Variants in GGACT observed in about 807,000 individuals in gnomAD.
GGACT encodes gamma-glutamylamine cyclotransferase, also known as gamma-glutamylaminecyclotransferase.
For missense variants in GGACT, 241 were observed against 233.2 expected (o/e 1.03, Z -0.22); for synonymous variants, 118 against 115.3 (o/e 1.02, Z -0.15).
At chr13:100,558,540 T>C (rs1405547010) in intron 2 of GGACT, among the ~76,000 whole-genome samples, 3 of 152,204 alleles carry the variant, frequency 2.0e-5, no homozygotes, top group Non-Finnish European at 4.4e-5. Flanking sequence ...GCTCATACAT[T>C]GCTTCTGGGA....
chr13:100,581,951 T>C (rs1333147272), intron 2 of GGACT, among the ~76,000 whole-genome samples: 1 of 151,988 alleles, frequency 6.6e-6, no homozygotes, highest in African/African-American at 2.4e-5. Context: ...ATTTCTGGAG[T>C]GGAAGAAAGG....
chr13:100,587,403 T>C (rs1399284053), intron 1 of GGACT, among the ~76,000 whole-genome samples: 1 of 152,168 alleles, frequency 6.6e-6, no homozygotes, highest in Non-Finnish European at 1.5e-5. Flanking sequence ...AATCCACCAA[T>C]TAGAAATTAA....
rs147710327 is a variant in GGACT at position 100,543,197 on chromosome 13, CTTTT to C, written c.-10-10600_-10-10597del. ...CAAAAGGATTTTAAAAAGACACCAG[CTTTT>C]TTTTTTTTTTTTTTTTTTTTTTTTG... is the stretch of plus-strand genomic sequence containing the variant. On this transcript the variant is annotated intron_variant, in intron 2 of 2. Transcript: ENST00000683975. Among the ~76,000 whole-genome samples, 98 of 69,882 alleles carry C rather than the reference CTTTT, an allele frequency of 1.4e-3. No homozygotes were observed. In the East Asian group the frequency reaches 0.028, roughly 20 times the overall value. The allele number at this position is 69,882 out of a possible 152,430, so 45.8% of individuals were successfully genotyped here.
At chr13:100,575,661 G>A (rs940525226) in intron 2 of GGACT, among the ~76,000 whole-genome samples, 3 of 152,174 alleles carry the variant, frequency 2.0e-5, no homozygotes, top group Non-Finnish European at 4.4e-5. Context: ...CTACTTGGGA[G>A]GCTGAGGCAG....
chr13:100,584,808 G>A (rs1486389809), intron 1 of GGACT, among the ~76,000 whole-genome samples: 1 of 151,992 alleles, frequency 6.6e-6, no homozygotes, highest in Non-Finnish European at 1.5e-5. Flanking sequence ...AGAACTATTT[G>A]AGAAATAACA....
intron 2 of GGACT, among the ~76,000 whole-genome samples, chr13:100,573,974 A>G (rs899542639): frequency 1.2e-4 from 19 of 152,130 alleles, no homozygotes; most frequent in African/African-American, 3.6e-4. Flanking sequence ...GCTACTGTGG[A>G]AAGCAGTTTG....
intron 2 of GGACT, among the ~76,000 whole-genome samples, chr13:100,549,216 T>C (rs2153013876): frequency 6.6e-6 from 1 of 152,236 alleles, no homozygotes; most frequent in East Asian, 1.9e-4. Context: ...TGGGTGCCTG[T>C]AATCCTAGCT....
intron 2 of GGACT, among the ~76,000 whole-genome samples, chr13:100,553,092 T>C (rs1217289499): frequency 6.6e-6 from 1 of 152,194 alleles, no homozygotes; most frequent in African/African-American, 2.4e-5. Context: ...TCCAAGGGCC[T>C]TCCATGGTAT....
chr13:100,532,864 C>T (rs902903814), intron 2 of GGACT, among the ~76,000 whole-genome samples: 1 of 152,232 alleles, frequency 6.6e-6, no homozygotes, highest in Admixed American at 6.5e-5. Flanking sequence ...GGCACCAGGT[C>T]GGCTCTAACC....
intron 2 of GGACT, among the ~76,000 whole-genome samples, chr13:100,553,793 A>C (rs1417600526): frequency 6.6e-6 from 1 of 150,896 alleles, no homozygotes; most frequent in Non-Finnish European, 1.5e-5. Context: ...GCAGTGAGCC[A>C]AGATCGCGCC....
At position 100,531,183 on chromosome 13, in the gene GGACT, A is replaced by AGTT. The variant is rs1236848976; in HGVS notation, c.*944_*946dup. On this transcript the variant is annotated 3_prime_UTR_variant, in exon 3 of 3. Transcript: ENST00000683975. ...AAGCAGAAGCAAGAGCCGTGCACCG[A>AGTT]GTTGAATCGATGCTGACAATTATCA... 1 of 152,246 alleles carries AGTT rather than the reference A, an allele frequency of 6.6e-6. No individual in the cohort carries two copies. The highest frequency in any genetic ancestry group is 1.5e-5 in the Non-Finnish European group (1 of 68,054). The allele number at this position is 152,246 out of a possible 1,614,324, so 9.4% of individuals were successfully genotyped here.
At chr13:100,566,537 C>T (rs1163129175) in intron 2 of GGACT, among the ~76,000 whole-genome samples, 2 of 152,238 alleles carry the variant, frequency 1.3e-5, no homozygotes, top group Admixed American at 1.3e-4. Flanking sequence ...GACACTGCTG[C>T]CCTTTGCCCC....
intron 2 of GGACT, among the ~76,000 whole-genome samples, chr13:100,552,927 C>A (rs905817337): frequency 6.6e-6 from 1 of 152,014 alleles, no homozygotes; most frequent in South Asian, 2.1e-4. Context: ...GAGAGGGCGA[C>A]CCAGGCAAGC....
At chr13:100,537,838 A>G (rs1419060777) in intron 2 of GGACT, 1 of 152,322 alleles carries the variant, frequency 6.6e-6, no homozygotes, top group African/African-American at 2.4e-5. Context: ...AGGACAGAGC[A>G]GGTACTCAGC....
chr13:100,575,115 C>T (rs1307435456), intron 2 of GGACT, among the ~76,000 whole-genome samples: 1 of 152,174 alleles, frequency 6.6e-6, no homozygotes, highest in African/African-American at 2.4e-5. Flanking sequence ...ATTCCAGTCA[C>T]AAAATAAAAC....
rs1277850751 is a variant in GGACT at position 100,531,949 on chromosome 13, A to G, written c.*181T>C. On this transcript the variant is annotated 3_prime_UTR_variant, in exon 3 of 3. Transcript: ENST00000683975. ...CTTACCAGGTAGAAAGATGGGAGGG[A>G]AGCACCTTGCTATTCGTATCTCAAC... The G allele has an allele frequency of 2.3e-6, 1 of 436,634 alleles. No homozygotes were observed. Among genetic ancestry groups the G allele is most frequent in the African/African-American group, 2.0e-5 (1 of 49,254 alleles). 27.0% of individuals were successfully genotyped at this position (436,634 alleles called of 1,614,324 possible). A position where few individuals can be genotyped will look rare whatever the true frequency, so the allele number is the denominator to read the frequency against.
intron 2 of GGACT, chr13:100,540,293 G>A (rs897331676): frequency 3.1e-6 from 3 of 967,542 alleles, no homozygotes; most frequent in Admixed American, 1.7e-5. Context: ...TCTTTTGGGG[G>A]AGATTTTTGA....
At position 100,534,082 on chromosome 13, in the gene GGACT, C is replaced by CA. The variant is rs1366674932; in HGVS notation, c.-10-1482dup. ...GACCCTGAAGAAACTGAAGAAGTCA[C>CA]ACTGAACTCATGGGACTTCTGTTTT... On this transcript the variant is annotated intron_variant, in intron 2 of 2. Coordinates refer to ENST00000683975, the MANE Select transcript of GGACT (RefSeq NM_001195087.2). This position sits in a 1 kb window ranked among gnomAD's most constrained non-coding sequence, Gnocchi z 4.9. 6.6e-6 allele frequency among the ~76,000 whole-genome samples: 1 copy of CA among 152,226 alleles called. No individual in the cohort carries two copies. Among genetic ancestry groups the CA allele is most frequent in the Non-Finnish European group, 1.5e-5 (1 of 68,040 alleles).
chr13:100,579,340 G>T (rs1875344105), intron 2 of GGACT, among the ~76,000 whole-genome samples: 1 of 152,156 alleles, frequency 6.6e-6, no homozygotes, highest in Non-Finnish European at 1.5e-5. Flanking sequence ...TAGGAGTTGA[G>T]GGGTTCAGCA....
Sources: gnomAD v4.1 joint callset for allele counts (sites outside exome capture counted in the v4.1 genomes callset) on GRCh38, gnomAD v4.1.1 for gene constraint, Gnocchi (gnomAD v3.1) non-coding constraint, MANE v1.5 for transcripts, NCBI Gene and HGNC (gene_info 2026-07-23, HGNC 2026-07-21) for gene names.